The following PSD3 variants were observed in gnomAD, a reference collection of about 807,000 sequenced individuals.
PSD3 encodes PH and SEC7 domain-containing protein 3.
Under a neutral mutation model 105.5 loss-of-function variants are expected in PSD3, and 49 were observed. That is an observed-to-expected ratio of 0.46 (90% CI 0.37 to 0.59). The LOEUF (loss-of-function observed/expected upper bound fraction) is 0.59, where lower values mean the gene tolerates loss of function less well. Among genes scored for constraint, PSD3 ranks in the 20% least tolerant of loss-of-function variants. PSD3 has a pLI of 0.00. For synonymous variants in PSD3, 557 were observed against 457.8 expected, an observed-to-expected ratio of 1.22 and a Z score of -2.77; for missense variants, 1,561 against 1,263.8, an observed-to-expected ratio of 1.24 and a Z score of -3.57.
At chr8:18,947,708 GTT>G (rs1822956531) in intron 1 of PSD3, among the ~76,000 whole-genome samples, 1 of 152,136 alleles carries the variant, frequency 6.6e-6, no homozygotes, top group Non-Finnish European at 1.5e-5. Flanking sequence ...ACCCATTTTC[GTT>G]GTCTTTTAAC....
At chr8:19,023,393 C>CTATT (rs141650647) in intron 1 of PSD3, among the ~76,000 whole-genome samples, 40,157 of 144,674 alleles carry the variant, frequency 0.28, 6,150 homozygotes, top group Admixed American at 0.42. Flanking sequence ...AATATAGCCA[C>CTATT]TATTTATTTA....
At chr8:19,052,718 G>T (rs10098005) in intron 1 of PSD3, among the ~76,000 whole-genome samples, 68 of 152,106 alleles carry the variant, frequency 4.5e-4, no homozygotes, top group African/African-American at 1.6e-3. Flanking sequence ...TACACAAAGG[G>T]GGAAGGAGTC....
chr8:19,041,991 A>T (rs1828140380), intron 1 of PSD3, among the ~76,000 whole-genome samples: 1 of 152,190 alleles, frequency 6.6e-6, no homozygotes, highest in African/African-American at 2.4e-5. Flanking sequence ...CTTTTTCATA[A>T]TTCAGAGTTT....
At chr8:18,822,382 T>G (rs1279660887) in intron 4 of PSD3, among the ~76,000 whole-genome samples, 1 of 152,184 alleles carries the variant, frequency 6.6e-6, no homozygotes, top group Non-Finnish European at 1.5e-5. Flanking sequence ...TGTTGTTCCT[T>G]TAGTAGTAGT....
intron 14 of PSD3, among the ~76,000 whole-genome samples, chr8:18,564,838 G>C (rs986511945): frequency 6.6e-6 from 1 of 152,026 alleles, no homozygotes; most frequent in East Asian, 1.9e-4. Context: ...AGGAGGGGTG[G>C]GGGTTACTTC....
chr8:19,081,482 T>C (rs1829644296), intron 1 of PSD3, among the ~76,000 whole-genome samples: 1 of 152,168 alleles, frequency 6.6e-6, no homozygotes, highest in African/African-American at 2.4e-5. Context: ...TTCATCCTAG[T>C]CCCATGGAGT....
chr8:18,995,346 T>C (rs1430543526), intron 1 of PSD3, among the ~76,000 whole-genome samples: 1 of 152,052 alleles, frequency 6.6e-6, no homozygotes, highest in Non-Finnish European at 1.5e-5. Context: ...CAGACGCCAG[T>C]AGCTTTTTTG....
intron 1 of PSD3, among the ~76,000 whole-genome samples, chr8:19,036,945 C>T (rs1379244690): frequency 2.6e-5 from 4 of 152,164 alleles, no homozygotes; most frequent in African/African-American, 4.8e-5. Context: ...CATGTTGCAA[C>T]TCCCCAGGAT....
chr8:18,588,285 A>G (rs1415900293), intron 12 of PSD3, among the ~76,000 whole-genome samples: 2 of 152,164 alleles, frequency 1.3e-5, no homozygotes, highest in African/African-American at 2.4e-5. Context: ...AAACCACACA[A>G]TCAGGTAGAT....
intron 9 of PSD3, among the ~76,000 whole-genome samples, chr8:18,690,128 G>A (rs1007883329): frequency 3.3e-5 from 5 of 152,164 alleles, no homozygotes; most frequent in African/African-American, 9.7e-5. Context: ...ACTGACTCTA[G>A]AAGTGAAATA....
intron 1 of PSD3, among the ~76,000 whole-genome samples, chr8:19,037,752 A>G (rs1424868099): frequency 1.3e-5 from 2 of 152,054 alleles, no homozygotes; most frequent in Non-Finnish European, 2.9e-5. Context: ...AACTTGCATC[A>G]TGGGTTCCTG....
rs1017665948 is a variant in PSD3, at chr8:18,768,264, C to T, written c.2083-2726G>A. Among the ~76,000 whole-genome samples the T allele has an allele frequency of 8.0e-5, 12 of 150,596 alleles. No individual in the cohort carries two copies. The East Asian group carries it at 2.0e-3, about 25-fold the overall frequency. On this transcript the variant is annotated intron_variant, in intron 8 of 15. Coordinates refer to ENST00000327040, the MANE Select transcript of PSD3 (RefSeq NM_015310.4). ...TTGTGCCACTGCACTCCAGCCTGAGCGACAGAGAGAGAGTCCAGTTCAAAA... is the reference window on the plus strand; with the variant it reads ...TTGTGCCACTGCACTCCAGCCTGAGTGACAGAGAGAGAGTCCAGTTCAAAA...
chr8:18,694,539 G>A (rs914302789), intron 9 of PSD3, among the ~76,000 whole-genome samples: 1 of 151,622 alleles, frequency 6.6e-6, no homozygotes, highest in African/African-American at 2.4e-5. Context: ...GAACCCGGGA[G>A]GCAGAGCTTG....
intron 1 of PSD3, among the ~76,000 whole-genome samples, chr8:18,949,865 A>AT (rs1249779579): frequency 7.9e-6 from 1 of 126,976 alleles, no homozygotes; most frequent in South Asian, 2.4e-4. Context: ...CGTCTTGATA[A>AT]ATTTTTTCAT....
intron 9 of PSD3, among the ~76,000 whole-genome samples, chr8:18,665,186 T>C (rs1799379441): frequency 6.6e-6 from 1 of 152,240 alleles, no homozygotes; most frequent in African/African-American, 2.4e-5. Flanking sequence ...CTCTGATGGA[T>C]ATGGGCAAAG....
intron 9 of PSD3, among the ~76,000 whole-genome samples, chr8:18,757,634 A>G (rs530981057): frequency 6.6e-6 from 1 of 152,218 alleles, no homozygotes; most frequent in Non-Finnish European, 1.5e-5. Flanking sequence ...TATTTCCTTC[A>G]ATACTGTCAC....
intron 4 of PSD3, chr8:18,865,262 ATATATATATATATATATATATATATT>A (rs1281306614): frequency 0.042 from 150 of 3,570 alleles, 13 homozygotes; most frequent in Admixed American, 0.15. Context: ...ATATATATAT[ATATATATATATATATATATATATATT>A]TTTTTTTTTT....
At chr8:18,582,328 T>A (rs1308313006) in intron 12 of PSD3, among the ~76,000 whole-genome samples, 1 of 152,046 alleles carries the variant, frequency 6.6e-6, no homozygotes, top group Non-Finnish European at 1.5e-5. Context: ...ACTCTCCAAT[T>A]CCCTATCTTA....
chr8:19,007,221 C>T (rs1356208040), intron 1 of PSD3, among the ~76,000 whole-genome samples: 1 of 151,352 alleles, frequency 6.6e-6, no homozygotes, highest in Non-Finnish European at 1.5e-5. Flanking sequence ...CACTGCACTC[C>T]AGCCTTGGCG....
Sources: allele counts gnomAD v4.1 joint callset (sites outside exome capture counted in the v4.1 genomes callset), GRCh38; gene constraint gnomAD v4.1.1; transcripts MANE v1.5; gene names NCBI Gene and HGNC (gene_info 2026-07-23, HGNC 2026-07-21).